GLIS3: variants seen among roughly 807,000 people sequenced by gnomAD.
GLIS3 encodes the protein zinc finger protein GLIS3.
Under a neutral mutation model 78.6 loss-of-function variants are expected in GLIS3, and 53 were observed. That is an observed-to-expected ratio of 0.67 (90% CI 0.54 to 0.85). GLIS3 has a LOEUF of 0.85. GLIS3 is among the 40% of genes least tolerant of loss of function. The probability of loss-of-function intolerance (pLI) is 0.00; values close to 1 mark genes in which losing one functional copy is unlikely to be tolerated. For missense variants in GLIS3, 1,703 were observed against 1,231.1 expected, an observed-to-expected ratio of 1.38 and a Z score of -5.74; for synonymous variants, 684 against 509.9, an observed-to-expected ratio of 1.34 and a Z score of -4.60.
intron 4 of GLIS3, among the ~76,000 whole-genome samples, chr9:4,093,975 C>T (rs913286289): frequency 2.0e-5 from 3 of 152,136 alleles, no homozygotes; most frequent in Admixed American, 1.3e-4. Flanking sequence ...CTGTCTAGTT[C>T]TTAAGAGTGA....
upstream of GLIS3, among the ~76,000 whole-genome samples, chr9:4,301,162 A>AT (rs1196981426): frequency 1.3e-5 from 2 of 152,188 alleles, no homozygotes; most frequent in Non-Finnish European, 2.9e-5. Context: ...ACATAACCAA[A>AT]AGAAGCCTGG....
chr9:4,468,917 G>A, the GLIS3 span, among the ~76,000 whole-genome samples: 7 of 152,072 alleles, frequency 4.6e-5, no homozygotes, highest in African/African-American at 1.7e-4. Flanking sequence ...ACACATATAG[G>A]CTCAAAATAA....
chr9:4,274,351 G>T (rs1053133661), intron 2 of GLIS3, among the ~76,000 whole-genome samples: 1 of 152,080 alleles, frequency 6.6e-6, no homozygotes, highest in African/African-American at 2.4e-5. Context: ...GACTTGTTGG[G>T]GTGTTTTTTC....
intron 2 of GLIS3, among the ~76,000 whole-genome samples, chr9:4,211,887 A>G (rs1820407248): frequency 1.3e-5 from 2 of 152,254 alleles, no homozygotes; most frequent in African/African-American, 4.8e-5. Flanking sequence ...ATTGACCTTG[A>G]AAACATTTTT....
intron 2 of GLIS3, among the ~76,000 whole-genome samples, chr9:4,132,970 G>T (rs954544275): frequency 6.6e-6 from 1 of 152,090 alleles, no homozygotes; most frequent in African/African-American, 2.4e-5. Flanking sequence ...GTTGTTCTGA[G>T]GATTAAAAGG....
chr9:4,333,737 C>CT (rs1205017532), intron 2 of GLIS3, among the ~76,000 whole-genome samples: 1 of 109,326 alleles, frequency 9.1e-6, no homozygotes, highest in Non-Finnish European at 1.8e-5. Flanking sequence ...AATGTGATGC[C>CT]CCCCCCCACC....
chr9:4,340,087 G>C (rs546030463), intron 2 of GLIS3, among the ~76,000 whole-genome samples: 5 of 151,722 alleles, frequency 3.3e-5, no homozygotes, highest in African/African-American at 9.7e-5. Flanking sequence ...CTCACGGCTT[G>C]GCTTAGCATG....
intron 8 of GLIS3, among the ~76,000 whole-genome samples, chr9:3,868,347 C>T (rs896146398): frequency 6.6e-6 from 1 of 150,716 alleles, no homozygotes; most frequent in Admixed American, 6.6e-5. Flanking sequence ...ATGTTCATCA[C>T]TTTGTCTTCA....
intron 4 of GLIS3, among the ~76,000 whole-genome samples, chr9:3,987,829 A>C (rs1340053258): frequency 6.6e-6 from 1 of 151,174 alleles, no homozygotes; most frequent in Non-Finnish European, 1.5e-5. Context: ...AAAACAGTGA[A>C]TCCAAACCAG....
intron 4 of GLIS3, among the ~76,000 whole-genome samples, chr9:3,949,967 C>G (rs573752278): frequency 3.3e-4 from 51 of 152,296 alleles, no homozygotes; most frequent in African/African-American, 1.2e-3. Flanking sequence ...TTCAACATCT[C>G]TACACTGAGG....
chr9:3,920,137 G>C (rs1824784353), intron 6 of GLIS3, among the ~76,000 whole-genome samples: 1 of 151,784 alleles, frequency 6.6e-6, no homozygotes, highest in Non-Finnish European at 1.5e-5. Flanking sequence ...CTGAGTAGCT[G>C]GGACTACAGG....
At chr9:4,080,993 A>C (rs1382680630) in intron 4 of GLIS3, among the ~76,000 whole-genome samples, 3 of 152,186 alleles carry the variant, frequency 2.0e-5, no homozygotes, top group Non-Finnish European at 4.4e-5. Flanking sequence ...TTTCATGAGC[A>C]GGGTTTCTAC....
intron 4 of GLIS3, among the ~76,000 whole-genome samples, chr9:4,091,057 T>C (rs894799161): frequency 2.6e-5 from 4 of 152,166 alleles, no homozygotes; most frequent in Non-Finnish European, 4.4e-5. Flanking sequence ...AAAGTTAGTA[T>C]GTATAAAATG....
At chr9:3,957,164 G>C (rs1384806298) in intron 4 of GLIS3, among the ~76,000 whole-genome samples, 1 of 152,186 alleles carries the variant, frequency 6.6e-6, no homozygotes, top group Non-Finnish European at 1.5e-5. Flanking sequence ...TGGCCTAGGG[G>C]TCTCAAATGG....
chr9:4,173,650 G>T (rs1176975728), intron 2 of GLIS3, among the ~76,000 whole-genome samples: 1 of 149,374 alleles, frequency 6.7e-6, no homozygotes, highest in Non-Finnish European at 1.5e-5. Flanking sequence ...CACCTAGAGT[G>T]CAGTGGCACA....
chr9:4,217,794 T>C (rs1820985856), intron 2 of GLIS3, among the ~76,000 whole-genome samples: 3 of 152,136 alleles, frequency 2.0e-5, no homozygotes. Flanking sequence ...CAAATCACAA[T>C]TCAAACAAAA....
chr9:4,223,001 A>G (rs1460273628), intron 2 of GLIS3, among the ~76,000 whole-genome samples: 1 of 152,180 alleles, frequency 6.6e-6, no homozygotes, highest in Non-Finnish European at 1.5e-5. Flanking sequence ...GGGAACAAAC[A>G]GCACTCCTTA....
chr9:3,950,232 G>C (rs945005500), intron 4 of GLIS3, among the ~76,000 whole-genome samples: 1 of 152,186 alleles, frequency 6.6e-6, no homozygotes, highest in Non-Finnish European at 1.5e-5. Flanking sequence ...GTCTACTTCA[G>C]TGATCTCCTA....
the GLIS3 span, among the ~76,000 whole-genome samples, chr9:4,482,361 T>C: frequency 1.3e-5 from 2 of 152,254 alleles, no homozygotes; most frequent in Non-Finnish European, 2.9e-5. Flanking sequence ...TTTAATGAGT[T>C]ACAGTTCTTT....
Sources: gnomAD v4.1 joint callset for allele counts (sites outside exome capture counted in the v4.1 genomes callset) on GRCh38, gnomAD v4.1.1 for gene constraint, MANE v1.5 for transcripts, NCBI Gene and HGNC (gene_info 2026-07-23, HGNC 2026-07-21) for gene names.